CTNNA2: variants seen among roughly 807,000 people sequenced by gnomAD.
CTNNA2 encodes the protein catenin alpha 2.
A neutral mutation model predicts 101.0 loss-of-function variants in CTNNA2; 42 were observed. The ratio of observed to expected loss-of-function variants is 0.42; its 90% CI spans 0.32 to 0.54. The LOEUF (loss-of-function observed/expected upper bound fraction) is 0.54, where lower values mean the gene tolerates loss of function less well. Ranked by LOEUF, CTNNA2 falls within the 20% of genes least tolerant of loss-of-function variation. The pLI is 0.14. For missense variants in CTNNA2, 871 were observed against 1,223.1 expected (o/e 0.71, Z 4.29); for synonymous variants, 450 against 456.4 (o/e 0.99, Z 0.18).
intron 1 of CTNNA2, among the ~76,000 whole-genome samples, chr2:79,538,796 C>T (rs114229854): frequency 6.6e-6 from 1 of 152,190 alleles, no homozygotes; most frequent in African/African-American, 2.4e-5. Context: ...TATTTCTATT[C>T]CAGGGGCAAG....
intron 7 of CTNNA2, among the ~76,000 whole-genome samples, chr2:80,292,241 T>G (rs1217500023): frequency 6.6e-6 from 1 of 152,202 alleles, no homozygotes; most frequent in African/African-American, 2.4e-5. Context: ...AACTCTTTCA[T>G]TCTCAGTAAC....
chr2:80,452,317 C>T (rs1277656697), intron 9 of CTNNA2, among the ~76,000 whole-genome samples: 1 of 151,568 alleles, frequency 6.6e-6, no homozygotes, highest in Non-Finnish European at 1.5e-5. Flanking sequence ...TTCTTTGTGT[C>T]TCCTATTTGA....
intron 7 of CTNNA2, among the ~76,000 whole-genome samples, chr2:80,255,620 C>T (rs565686548): frequency 1.3e-5 from 2 of 152,220 alleles, no homozygotes; most frequent in South Asian, 2.1e-4. Flanking sequence ...TTCAGTACTT[C>T]TCTCCTACCG....
intron 2 of CTNNA2, among the ~76,000 whole-genome samples, chr2:79,203,880 A>T (rs545650553): frequency 2.0e-5 from 3 of 152,144 alleles, no homozygotes; most frequent in Non-Finnish European, 4.4e-5. Flanking sequence ...TCTCATCTGA[A>T]TTGTATAAAA....
At chr2:80,252,937 G>A (rs545215417) in intron 7 of CTNNA2, among the ~76,000 whole-genome samples, 2 of 152,210 alleles carry the variant, frequency 1.3e-5, no homozygotes, top group Non-Finnish European at 2.9e-5. Flanking sequence ...AAGGGGGATG[G>A]TGATATTGGT....
At chr2:79,339,715 T>A (rs1677085762) in intron 3 of CTNNA2, 1 of 152,250 alleles carries the variant, frequency 6.6e-6, no homozygotes, top group Non-Finnish European at 1.5e-5. Context: ...TGATTCTAAC[T>A]TCAGTTGAGG....
Position 79,914,166 on chromosome 2 carries a change from CAA to C in CTNNA2, c.1056+4391_1056+4392del, listed in dbSNP as rs55675912. ...TGGGCGACAGAGCGAGACTCCGTCT[CAA>C]AAAAAAAAAAAAAAAAAAAAAGAAA... is the stretch of plus-strand genomic sequence containing the variant. On this transcript the variant is annotated intron_variant, in intron 7 of 18. Coordinates refer to ENST00000402739, the MANE Select transcript of CTNNA2 (RefSeq NM_001282597.3). 8.9e-3 allele frequency among the ~76,000 whole-genome samples: 807 copies of C among 90,596 alleles called. 11 individuals carry two copies. The highest frequency in any genetic ancestry group is 0.029 in the African/African-American group (714 of 24,212). The allele number at this position is 90,596 out of a possible 152,430, so 59.4% of individuals were successfully genotyped here. A position where few individuals can be genotyped will look rare whatever the true frequency, so the allele number is the denominator to read the frequency against.
chr2:79,532,203 C>G (rs1672787954), intron 1 of CTNNA2, among the ~76,000 whole-genome samples: 2 of 152,004 alleles, frequency 1.3e-5, no homozygotes, highest in African/African-American at 4.8e-5. Context: ...AGTAATGTGG[C>G]TCTCTCAGCC....
intron 8 of CTNNA2, among the ~76,000 whole-genome samples, chr2:80,410,595 C>G (rs926196633): frequency 7.9e-5 from 12 of 152,148 alleles, no homozygotes; most frequent in African/African-American, 2.9e-4. Flanking sequence ...GGTCTTCTAG[C>G]TTATGTAAAA....
intron 9 of CTNNA2, among the ~76,000 whole-genome samples, chr2:80,539,147 T>A (rs138325281): frequency 6.6e-6 from 1 of 152,234 alleles, no homozygotes; most frequent in East Asian, 1.9e-4. Flanking sequence ...GCCTCCTGAG[T>A]TATTTTTGTC....
At chr2:79,667,608 G>GGCA (rs1176743280) in intron 2 of CTNNA2, among the ~76,000 whole-genome samples, 1 of 152,108 alleles carries the variant, frequency 6.6e-6, no homozygotes, top group Non-Finnish European at 1.5e-5. Context: ...ATGATGGGAA[G>GGCA]GCATACAAAA....
chr2:79,706,459 A>T (rs1344115555), intron 2 of CTNNA2, among the ~76,000 whole-genome samples: 2 of 151,458 alleles, frequency 1.3e-5, no homozygotes, highest in Admixed American at 6.6e-5. Flanking sequence ...GGGGGAAAAA[A>T]CCTTTCACCA....
At chr2:80,011,249 G>A (rs53916) in intron 7 of CTNNA2, among the ~76,000 whole-genome samples, 85,318 of 152,078 alleles carry the variant, frequency 0.56, 26,308 homozygotes, top group East Asian at 0.76. Context: ...TCAACTCAGA[G>A]GCAGAGCTTG....
At chr2:79,831,156 C>A (rs903733651) in intron 3 of CTNNA2, among the ~76,000 whole-genome samples, 6 of 151,712 alleles carry the variant, frequency 4.0e-5, no homozygotes, top group Non-Finnish European at 1.5e-5. Context: ...GAAAAAAATT[C>A]TGTTTTCTCA....
chr2:79,489,532 G>T (rs770940882), intron 4 of CTNNA2, among the ~76,000 whole-genome samples: 2 of 152,184 alleles, frequency 1.3e-5, no homozygotes, highest in Non-Finnish European at 2.9e-5. Context: ...GGTAAGCAGG[G>T]CTTGGAGTTG....
chr2:79,594,040 C>A (rs185824338), intron 1 of CTNNA2, among the ~76,000 whole-genome samples: 2 of 151,842 alleles, frequency 1.3e-5, no homozygotes, highest in Admixed American at 1.3e-4. Flanking sequence ...AGGCGACCAC[C>A]ACCATGGCTG....
intron 7 of CTNNA2, among the ~76,000 whole-genome samples, chr2:80,016,907 T>C (rs1370636176): frequency 6.6e-6 from 1 of 152,208 alleles, no homozygotes; most frequent in Non-Finnish European, 1.5e-5. Flanking sequence ...TAGGAGCCTT[T>C]CTAGTGCATA....
intron 7 of CTNNA2, among the ~76,000 whole-genome samples, chr2:80,209,703 C>T (rs960991427): frequency 6.6e-6 from 1 of 152,038 alleles, no homozygotes; most frequent in Non-Finnish European, 1.5e-5. Flanking sequence ...TATTTCACAT[C>T]TGTGCTTGTA....
intron 12 of CTNNA2, among the ~76,000 whole-genome samples, chr2:80,557,910 G>C (rs1225595733): frequency 6.6e-6 from 1 of 151,970 alleles, no homozygotes; most frequent in Non-Finnish European, 1.5e-5. Flanking sequence ...CAAGATTTTT[G>C]CTCTTACTTG....
Sources: allele counts gnomAD v4.1 joint callset (sites outside exome capture counted in the v4.1 genomes callset), GRCh38; gene constraint gnomAD v4.1.1; transcripts MANE v1.5; gene names NCBI Gene and HGNC (gene_info 2026-07-23, HGNC 2026-07-21).